BRD10: variants seen among roughly 807,000 people sequenced by gnomAD.
BRD10 encodes uncharacterized bromodomain-containing protein 10.
chr9:5,974,550 GCAGA>G, the BRD10 span, among the ~76,000 whole-genome samples: 2 of 152,166 alleles, frequency 1.3e-5, no homozygotes, highest in Non-Finnish European at 2.9e-5. Context: ...AGATCATGAT[GCAGA>G]CAGACAGAGA....
chr9:5,903,236 G>A, the BRD10 span, among the ~76,000 whole-genome samples: 1 of 152,070 alleles, frequency 6.6e-6, no homozygotes, highest in South Asian at 2.1e-4. Flanking sequence ...GTGTTTTGTG[G>A]CCCAGAATGT....
At chr9:5,899,124 GTC>G in the BRD10 span, 1 of 152,154 alleles carries the variant, frequency 6.6e-6, no homozygotes, top group Admixed American at 6.5e-5. Flanking sequence ...AGATCTCGCT[GTC>G]TCTCTTTCTT....
At chr9:5,960,859 C>T in the BRD10 span, among the ~76,000 whole-genome samples, 2 of 152,088 alleles carry the variant, frequency 1.3e-5, no homozygotes, top group Non-Finnish European at 2.9e-5. Flanking sequence ...ACAACAGGAT[C>T]CTACACAGCC....
the BRD10 span, chr9:5,968,613 C>T: frequency 7.4e-6 from 12 of 1,613,846 alleles, no homozygotes; most frequent in African/African-American, 1.3e-5. Flanking sequence ...AAATTATTTT[C>T]CTGCTCTTTC....
At chr9:5,925,730 C>A in the BRD10 span, among the ~76,000 whole-genome samples, 1 of 152,108 alleles carries the variant, frequency 6.6e-6, no homozygotes, top group African/African-American at 2.4e-5. Flanking sequence ...GAAAAGTAAT[C>A]TTTCACAGAG....
chr9:5,951,175 G>C, the BRD10 span, among the ~76,000 whole-genome samples: 2 of 151,910 alleles, frequency 1.3e-5, no homozygotes, highest in Non-Finnish European at 2.9e-5. Flanking sequence ...TTCTAAACCT[G>C]GGTGCAGATA....
At chr9:5,976,278 T>A in the BRD10 span, among the ~76,000 whole-genome samples, 1 of 152,242 alleles carries the variant, frequency 6.6e-6, no homozygotes, top group Admixed American at 6.5e-5. Flanking sequence ...AATTTATAGA[T>A]ACTGTGTACT....
At chr9:5,978,598 G>A in the BRD10 span, among the ~76,000 whole-genome samples, 1 of 152,114 alleles carries the variant, frequency 6.6e-6, no homozygotes, top group Non-Finnish European at 1.5e-5. Flanking sequence ...CTGGCTAGCT[G>A]AAGCAGAAAA....
At chr9:5,991,091 C>T in the BRD10 span, among the ~76,000 whole-genome samples, 3 of 151,968 alleles carry the variant, frequency 2.0e-5, no homozygotes, top group Non-Finnish European at 4.4e-5. Context: ...TATTACACTG[C>T]TAAATGTAAA....
At chr9:5,914,722 C>A in the BRD10 span, among the ~76,000 whole-genome samples, 1 of 151,960 alleles carries the variant, frequency 6.6e-6, no homozygotes, top group Non-Finnish European at 1.5e-5. Flanking sequence ...TGTGCCTGGC[C>A]AAATCTAGAT....
the BRD10 span, chr9:5,968,686 G>A: frequency 2.5e-6 from 4 of 1,613,818 alleles, no homozygotes; most frequent in South Asian, 4.4e-5. Context: ...TACTAACATA[G>A]TCACACTTCA....
the BRD10 span, among the ~76,000 whole-genome samples, chr9:5,931,700 A>C: frequency 6.6e-6 from 1 of 152,216 alleles, no homozygotes; most frequent in Non-Finnish European, 1.5e-5. Context: ...TTTCGAAAAC[A>C]AACCCAAAAG....
At chr9:5,993,800 T>C in the BRD10 span, among the ~76,000 whole-genome samples, 2 of 152,238 alleles carry the variant, frequency 1.3e-5, no homozygotes, top group Non-Finnish European at 2.9e-5. Flanking sequence ...ATCAGCCTTC[T>C]GGGGCACAGA....
At chr9:5,958,831 G>A in the BRD10 span, among the ~76,000 whole-genome samples, 5 of 152,136 alleles carry the variant, frequency 3.3e-5, no homozygotes, top group African/African-American at 4.8e-5. Flanking sequence ...ATTAAACAGT[G>A]AATTTGCAAA....
At chr9:5,890,582 T>C in the BRD10 span, among the ~76,000 whole-genome samples, 5 of 152,232 alleles carry the variant, frequency 3.3e-5, no homozygotes, top group South Asian at 2.1e-4. Flanking sequence ...AAAGTAATTG[T>C]GGTGTCGGAC....
chr9:5,950,532 T>C, the BRD10 span, among the ~76,000 whole-genome samples: 10 of 152,188 alleles, frequency 6.6e-5, no homozygotes, highest in Non-Finnish European at 1.5e-4. Context: ...GTTTAACCAC[T>C]ATGCAGATTA....
the BRD10 span, among the ~76,000 whole-genome samples, chr9:5,931,044 T>A: frequency 2.6e-5 from 4 of 152,222 alleles, no homozygotes; most frequent in South Asian, 8.3e-4. Context: ...AGGAAAGATA[T>A]GATAGTAGGG....
chr9:5,916,586 CAT>C, the BRD10 span, among the ~76,000 whole-genome samples: 2 of 118,004 alleles, frequency 1.7e-5, no homozygotes, highest in African/African-American at 6.6e-5. Context: ...ACATATATAA[CAT>C]ATATATAAAA....
At chr9:5,920,033 G>A in the BRD10 span, 4 of 1,613,866 alleles carry the variant, frequency 2.5e-6, no homozygotes, top group African/African-American at 4.0e-5. Context: ...CTTAGCAGTT[G>A]TGTTTATGAG....
Sources: gnomAD v4.1 joint callset for allele counts (sites outside exome capture counted in the v4.1 genomes callset) on GRCh38, gnomAD v4.1.1 for gene constraint, MANE v1.5 for transcripts, NCBI Gene and HGNC (gene_info 2026-07-23, HGNC 2026-07-21) for gene names.